Variants in INPP5A observed in about 807,000 individuals in gnomAD.
INPP5A encodes the protein 43 kDa inositol polyphosphate 5-phophatase.
A neutral mutation model predicts 65.2 loss-of-function variants in INPP5A; 14 were observed. The ratio of observed to expected loss-of-function variants is 0.21; its 90% CI spans 0.14 to 0.34. The LOEUF is 0.34. Among genes scored for constraint, INPP5A ranks in the 10% least tolerant of loss-of-function variants. The pLI is 1.00. For synonymous variants in INPP5A, 207 were observed against 208.3 expected, an observed-to-expected ratio of 0.99 and a Z score of 0.05; for missense variants, 431 against 545.6, an observed-to-expected ratio of 0.79 and a Z score of 2.09.
At chr10:132,768,578 C>T (rs1422203806) in intron 12 of INPP5A, among the ~76,000 whole-genome samples, 1 of 152,250 alleles carries the variant, frequency 6.6e-6, no homozygotes, top group African/African-American at 2.4e-5. Flanking sequence ...CTTCCCCGTG[C>T]AGCTCTGCCC....
chr10:132,672,469 C>G (rs2133440149), intron 4 of INPP5A, among the ~76,000 whole-genome samples: 1 of 152,242 alleles, frequency 6.6e-6, no homozygotes, highest in South Asian at 2.1e-4. Flanking sequence ...GTGGGTGGGT[C>G]TCATGAGATC....
At chr10:132,768,683 G>A (rs946313680) in intron 12 of INPP5A, among the ~76,000 whole-genome samples, 2 of 152,260 alleles carry the variant, frequency 1.3e-5, no homozygotes, top group South Asian at 4.1e-4. Context: ...GGCCCCTGAG[G>A]CCTGTGTCTG....
intron 1 of INPP5A, among the ~76,000 whole-genome samples, chr10:132,595,896 T>G (rs565192289): frequency 3.9e-4 from 36 of 91,624 alleles, no homozygotes; most frequent in African/African-American, 1.0e-3. Flanking sequence ...GTAATGAGTT[T>G]TTTTTTTTTA....
At chr10:132,632,444 G>A (rs1233051946) in intron 2 of INPP5A, among the ~76,000 whole-genome samples, 1 of 152,210 alleles carries the variant, frequency 6.6e-6, no homozygotes, top group African/African-American at 2.4e-5. Context: ...GAGCCTGGAT[G>A]CCAGCATTGT....
At position 132,674,938 on chromosome 10, in the gene INPP5A, C is replaced by T. The variant is rs1046343355; in HGVS notation, c.307-15454C>T. On this transcript the variant is annotated intron_variant, in intron 4 of 15. Transcript: ENST00000368594. This position sits in a 1 kb window ranked among gnomAD's most constrained non-coding sequence, Gnocchi z 4.4. The stretch of plus-strand genomic sequence containing the variant: ...CCTGCCAAAGGCTCCAAACAGCATC[C>T]TTATCTGCCACTGACACCTCAAGCA... Among the ~76,000 whole-genome samples the T allele has an allele frequency of 1.3e-5, 2 of 152,192 alleles. No homozygotes were observed. Among genetic ancestry groups the T allele is most frequent in the Non-Finnish European group, 2.9e-5 (2 of 68,036 alleles).
intron 9 of INPP5A, among the ~76,000 whole-genome samples, chr10:132,748,510 G>T (rs1355238372): frequency 1.3e-5 from 2 of 152,224 alleles, no homozygotes. Context: ...GGGGCCAGGG[G>T]CTCCCCGTGG....
chr10:132,617,212 C>G (rs531611160), intron 2 of INPP5A, among the ~76,000 whole-genome samples: 4 of 152,266 alleles, frequency 2.6e-5, no homozygotes, highest in African/African-American at 9.6e-5. Flanking sequence ...AGAGCCAGGA[C>G]AGACCCTGCT....
intron 4 of INPP5A, among the ~76,000 whole-genome samples, chr10:132,671,415 C>T (rs886920114): frequency 5.3e-5 from 8 of 150,576 alleles, no homozygotes; most frequent in Non-Finnish European, 8.8e-5. Flanking sequence ...GCCCTCCCTG[C>T]TTCGGACTCC....
intron 1 of INPP5A, among the ~76,000 whole-genome samples, chr10:132,580,960 G>A (rs1275905703): frequency 1.3e-5 from 2 of 152,152 alleles, no homozygotes; most frequent in African/African-American, 2.4e-5. Flanking sequence ...GAGTTTTGAC[G>A]TGTCTGTTTA....
rs1175104374 is a variant in INPP5A, at chr10:132,705,796, A to C, written c.475-2517A>C. Among the ~76,000 whole-genome samples the C allele has an allele frequency of 6.6e-6, 1 of 152,072 alleles. No individual in the cohort carries two copies. The highest frequency in any genetic ancestry group is 6.5e-5 in the Admixed American group (1 of 15,278). On this transcript the variant is annotated intron_variant, in intron 6 of 15. Transcript: ENST00000368594. The surrounding 1 kb of genome is among the most constrained non-coding windows in gnomAD (Gnocchi z 4.9). The stretch of plus-strand genomic sequence containing the variant: ...TATCACTGGGGAGCAGAGAGCCCAG[A>C]CCTTTTACAATGCTGGGTGGGGTGG...
At chr10:132,763,223 G>C (rs1294218322) in intron 11 of INPP5A, among the ~76,000 whole-genome samples, 1 of 152,234 alleles carries the variant, frequency 6.6e-6, no homozygotes, top group East Asian at 1.9e-4. Flanking sequence ...AGATCTCATA[G>C]ATGCTCCTGG....
chr10:132,635,332 A>AT lies in INPP5A; in HGVS notation c.118-10528dup, dbSNP rs764831085. ...TTCCTGCTGTCTTTTGAATTATTTA[A>AT]TTTTTTTTGGCATTCCATTTTTATT... On this transcript the variant is annotated intron_variant, in intron 2 of 15. Coordinates refer to ENST00000368594, the MANE Select transcript of INPP5A (RefSeq NM_005539.5). Among the ~76,000 whole-genome samples, 192 of 117,198 alleles carry AT rather than the reference A, an allele frequency of 1.6e-3. 2 individuals carry two copies. Among genetic ancestry groups the AT allele is most frequent in the Non-Finnish European group, 2.3e-3 (124 of 53,962 alleles). The allele number at this position is 117,198 out of a possible 152,430, so 76.9% of individuals were successfully genotyped here. A position where few individuals can be genotyped will look rare whatever the true frequency, so the allele number is the denominator to read the frequency against.
intron 9 of INPP5A, among the ~76,000 whole-genome samples, chr10:132,743,845 C>G (rs959273046): frequency 6.6e-6 from 1 of 152,206 alleles, no homozygotes; most frequent in Non-Finnish European, 1.5e-5. Flanking sequence ...AGGCCGGCCC[C>G]GGGGCTCAGA....
At chr10:132,579,438 G>T (rs181639598) in intron 1 of INPP5A, among the ~76,000 whole-genome samples, 1 of 152,258 alleles carries the variant, frequency 6.6e-6, no homozygotes, top group Admixed American at 6.5e-5. Flanking sequence ...GAGCAGTAGG[G>T]GTGTGGGATT....
intron 1 of INPP5A, among the ~76,000 whole-genome samples, 172 bp from the exon 2 acceptor site, chr10:132,607,743 G>A (rs1381976728): frequency 1.3e-5 from 2 of 152,264 alleles, no homozygotes. Context: ...ACAGAGCGGG[G>A]TCCCCGCGTG....
chr10:132,666,864 T>C (rs1191738743), intron 4 of INPP5A, among the ~76,000 whole-genome samples: 2 of 152,176 alleles, frequency 1.3e-5, no homozygotes, highest in Non-Finnish European at 2.9e-5. Flanking sequence ...GAGAAAGATA[T>C]CTGTGCATTG....
intron 4 of INPP5A, among the ~76,000 whole-genome samples, chr10:132,655,025 G>A (rs565725899): frequency 8.5e-5 from 13 of 152,376 alleles, no homozygotes; most frequent in African/African-American, 2.6e-4. Context: ...CACTTTGGGA[G>A]GCTGAGTCTG....
Position 132,749,518 on chromosome 10 carries a change from C to T in INPP5A, c.734C>T (p.Thr245Met), listed in dbSNP as rs1199108796. The change falls in exon 10 of 16, where the codon ACG becomes ATG. Residue 245 changes from threonine to methionine, a missense_variant and splice_region_variant. Thr to Met is a moderately conservative substitution (Grantham distance 81). Coordinates refer to ENST00000368594, the MANE Select transcript of INPP5A (RefSeq NM_005539.5). ...ATCTCCGTTGCTGTCTTTCTGCAGACGCTCTGCACAAAAGCCACCATGCAG... is the reference window on the plus strand; with the variant it reads ...ATCTCCGTTGCTGTCTTTCTGCAGATGCTCTGCACAAAAGCCACCATGCAG... ...FRLDSKSVVE[T>M]LCTKATMQTV... 1.1e-5 allele frequency: 17 copies of T among 1,612,566 alleles called. No homozygotes were observed. The highest frequency in any genetic ancestry group is 2.2e-5 in the South Asian group (2 of 91,082).
At chr10:132,755,224 A>G (rs1050752352) in intron 11 of INPP5A, among the ~76,000 whole-genome samples, 1 of 146,142 alleles carries the variant, frequency 6.8e-6, no homozygotes, top group African/African-American at 2.6e-5. Flanking sequence ...TGCATGTGTG[A>G]GCAGGCGTGT....
Sources: gnomAD v4.1 joint callset for allele counts (sites outside exome capture counted in the v4.1 genomes callset) on GRCh38, gnomAD v4.1.1 for gene constraint, Gnocchi (gnomAD v3.1) non-coding constraint, MANE v1.5 for transcripts, NCBI Gene and HGNC (gene_info 2026-07-23, HGNC 2026-07-21) for gene names.